The following C8orf34 variants were observed in gnomAD, a reference collection of about 807,000 sequenced individuals.
C8orf34 encodes chromosome 8 open reading frame 34, also known as uncharacterized protein C8orf34.
A neutral mutation model predicts 68.3 loss-of-function variants in C8orf34; 65 were observed. That is an observed-to-expected ratio of 0.95 (90% CI 0.78 to 1.17). C8orf34 has a LOEUF of 1.17. C8orf34 is among the 50% of genes most tolerant of loss of function. The pLI, the probability that C8orf34 is intolerant of heterozygous loss-of-function variation, is 0.00. For synonymous variants in C8orf34, 244 were observed against 241.2 expected (o/e 1.01, Z -0.11); for missense variants, 664 against 655.4 (o/e 1.01, Z -0.14).
In C8orf34 at chr8:68,778,181, A is replaced by T. The variant is rs192219031; in HGVS notation, c.1455+1732A>T. On this transcript the variant is annotated intron_variant, in intron 11 of 13. Transcript: ENST00000518698. ...ACATGTTTAGAATGTGAGCCATAAA[A>T]TGATAGTCTTTTGTCTTTTCTCACT... Among the ~76,000 whole-genome samples the T allele has an allele frequency of 2.6e-5, 4 of 152,296 alleles. No individual in the cohort carries two copies. The East Asian group carries it at 7.7e-4, about 29-fold the overall frequency.
chr8:68,617,452 C>T (rs1818258234), intron 7 of C8orf34, among the ~76,000 whole-genome samples: 1 of 152,128 alleles, frequency 6.6e-6, no homozygotes, highest in African/African-American at 2.4e-5. Flanking sequence ...TTAGTGCTTC[C>T]TTCAGGAGCT....
intron 12 of C8orf34, among the ~76,000 whole-genome samples, chr8:68,800,324 C>G (rs1454388190): frequency 6.6e-6 from 1 of 152,020 alleles, no homozygotes; most frequent in Non-Finnish European, 1.5e-5. Context: ...TAAGCACCTC[C>G]CTGAGACACA....
intron 12 of C8orf34, among the ~76,000 whole-genome samples, chr8:68,794,073 G>T (rs1563673613): frequency 6.6e-6 from 1 of 152,046 alleles, no homozygotes; most frequent in Non-Finnish European, 1.5e-5. Context: ...AAACTTATAG[G>T]TGCATGCAGG....
intron 1 of C8orf34, among the ~76,000 whole-genome samples, chr8:68,396,556 T>G (rs1432913160): frequency 2.0e-5 from 3 of 151,558 alleles, no homozygotes; most frequent in Admixed American, 6.6e-5. Context: ...TCTGTCCCCT[T>G]CCAACCTCCT....
intron 8 of C8orf34, among the ~76,000 whole-genome samples, chr8:68,704,428 T>C (rs1821106746): frequency 2.0e-5 from 3 of 152,138 alleles, no homozygotes; most frequent in Non-Finnish European, 4.4e-5. Flanking sequence ...TTGGAGTTTA[T>C]GGAGTATAAA....
intron 1 of C8orf34, 62 bp from the exon 2 acceptor site, chr8:68,439,437 G>A: frequency 2.0e-6 from 3 of 1,507,030 alleles, no homozygotes; most frequent in South Asian, 1.2e-5. Flanking sequence ...TGCTAAGTAA[G>A]TGCTTGCTAT....
chr8:68,606,037 A>G (rs1277016699), intron 7 of C8orf34, among the ~76,000 whole-genome samples: 5 of 152,096 alleles, frequency 3.3e-5, no homozygotes, highest in Admixed American at 6.6e-5. Context: ...GCTCTAAAAA[A>G]CAAATTCTAT....
At chr8:68,513,435 C>T (rs1010155910) in intron 5 of C8orf34, among the ~76,000 whole-genome samples, 2 of 152,150 alleles carry the variant, frequency 1.3e-5, no homozygotes, top group East Asian at 1.9e-4. Context: ...CTAAACAAAG[C>T]CTTGCCACCG....
chr8:68,685,439 A>T (rs897219841), intron 8 of C8orf34, among the ~76,000 whole-genome samples: 1 of 152,188 alleles, frequency 6.6e-6, no homozygotes, highest in Non-Finnish European at 1.5e-5. Flanking sequence ...CTAAAACATA[A>T]TCAATTCAGT....
intron 3 of C8orf34, among the ~76,000 whole-genome samples, chr8:68,449,391 A>T (rs1200608326): frequency 5.3e-5 from 8 of 152,120 alleles, no homozygotes; most frequent in Admixed American, 3.3e-4. Flanking sequence ...AAACATTTTC[A>T]TCATCCCAAA....
chr8:68,783,348 T>A (rs1585876367), intron 11 of C8orf34, among the ~76,000 whole-genome samples: 1 of 151,754 alleles, frequency 6.6e-6, no homozygotes, highest in East Asian at 1.9e-4. Context: ...TGAAACCCCG[T>A]CTCTACTAAA....
chr8:68,713,535 A>T (rs1821385401), intron 9 of C8orf34, among the ~76,000 whole-genome samples: 1 of 152,126 alleles, frequency 6.6e-6, no homozygotes, highest in African/African-American at 2.4e-5. Flanking sequence ...ACCTTTACAC[A>T]CATAAATTGG....
Position 68,339,655 on chromosome 8 carries a change from G to A in C8orf34, c.327+8316G>A, listed in dbSNP as rs534494041. Among the ~76,000 whole-genome samples, 3 of 152,026 alleles carry A rather than the reference G, an allele frequency of 2.0e-5. No individual in the cohort carries two copies. In the South Asian group the frequency reaches 6.2e-4, roughly 32 times the overall value. ...AGGCAGTGCAGTATTGGTGTAAATT[G>A]AAATGGATTATTACCTAAATGTAAA... On this transcript the variant is annotated intron_variant, in intron 1 of 13. Transcript: ENST00000518698.
intron 7 of C8orf34, among the ~76,000 whole-genome samples, chr8:68,615,651 T>C (rs1208081295): frequency 6.6e-6 from 1 of 152,232 alleles, no homozygotes; most frequent in Non-Finnish European, 1.5e-5. Context: ...CACTTGATCA[T>C]GGTGGATAAG....
chr8:68,425,380 G>T lies in C8orf34; in HGVS notation c.328-14119G>T, dbSNP rs534877946. ...AAATGACATGATTGTCTACAGAGAT[G>T]ATCCCAACAAACTCCTACAACTAAG... On this transcript the variant is annotated intron_variant, in intron 1 of 13. Coordinates refer to ENST00000518698, the MANE Select transcript of C8orf34 (RefSeq NM_052958.4). 3.4e-4 allele frequency among the ~76,000 whole-genome samples: 51 copies of T among 152,230 alleles called. 1 individual carries two copies. The highest frequency in any genetic ancestry group is 3.8e-4 in the Non-Finnish European group (26 of 67,990).
chr8:68,664,777 C>T (rs941384134), intron 8 of C8orf34, among the ~76,000 whole-genome samples: 1 of 152,076 alleles, frequency 6.6e-6, no homozygotes, highest in Admixed American at 6.6e-5. Flanking sequence ...TGGCTGCATT[C>T]ATGAGAGGGA....
chr8:68,500,319 T>C (rs1477019429), intron 5 of C8orf34, among the ~76,000 whole-genome samples: 2 of 152,184 alleles, frequency 1.3e-5, no homozygotes, highest in Admixed American at 6.5e-5. Context: ...AACTGGCCCA[T>C]ACTTTTCAAA....
intron 9 of C8orf34, among the ~76,000 whole-genome samples, chr8:68,717,699 A>G (rs1424680822): frequency 6.6e-6 from 1 of 152,164 alleles, no homozygotes; most frequent in Non-Finnish European, 1.5e-5. Context: ...GATATATTTT[A>G]CATGTTATAT....
chr8:68,782,905 GA>G (rs984931179), intron 11 of C8orf34, among the ~76,000 whole-genome samples: 36 of 145,408 alleles, frequency 2.5e-4, no homozygotes, highest in African/African-American at 7.8e-4. Flanking sequence ...ATGAGTTAAA[GA>G]AAAAAAAAAG....
Sources: gnomAD v4.1 joint callset for allele counts (sites outside exome capture counted in the v4.1 genomes callset) on GRCh38, gnomAD v4.1.1 for gene constraint, MANE v1.5 for transcripts, NCBI Gene and HGNC (gene_info 2026-07-23, HGNC 2026-07-21) for gene names.